ARHGAP6: variants seen among roughly 807,000 people sequenced by gnomAD.
The protein encoded by ARHGAP6 is rho GTPase-activating protein 6.
ARHGAP6 carries 16 observed loss-of-function variants against 55.7 expected under a neutral mutation model. The ratio of observed to expected loss-of-function variants is 0.29; its 90% CI spans 0.19 to 0.44. The LOEUF (loss-of-function observed/expected upper bound fraction) is 0.44, where lower values mean the gene tolerates loss of function less well. Among genes scored for constraint, ARHGAP6 ranks in the 20% least tolerant of loss-of-function variants. ARHGAP6 has a pLI of 1.00. For missense variants in ARHGAP6, 698 were observed against 808.9 expected (o/e 0.86, Z 1.66); for synonymous variants, 382 against 360.9 (o/e 1.06, Z -0.66).
At chrX:11,472,851 G>A in intron 1 of ARHGAP6, among the ~76,000 whole-genome samples, 1 of 110,953 alleles carries the variant, frequency 9.0e-6, no homozygotes, top group South Asian at 3.9e-4. Context: ...TTAGGTGTCT[G>A]CCAAGATGGG....
chrX:11,628,814 T>G (rs1282639064), intron 1 of ARHGAP6, among the ~76,000 whole-genome samples: 1 of 112,833 alleles, frequency 8.9e-6, no homozygotes, highest in Admixed American at 9.4e-5. Context: ...GTTTTCTCCC[T>G]GCTTAAATAT....
intron 1 of ARHGAP6, among the ~76,000 whole-genome samples, chrX:11,571,750 T>C (rs1055790497): frequency 1.3e-4 from 11 of 87,097 alleles, no homozygotes; most frequent in African/African-American, 4.6e-4. Context: ...TAGCTGAGTA[T>C]AGTGCTGCAT....
intron 1 of ARHGAP6, among the ~76,000 whole-genome samples, chrX:11,354,327 C>CTCTATATATATATA (rs1343744315): frequency 2.5e-4 from 8 of 32,348 alleles, no homozygotes; most frequent in Admixed American, 4.2e-4. Context: ...CTCTCTCTCT[C>CTCTATATATATATA]TATATATATA....
intron 1 of ARHGAP6, among the ~76,000 whole-genome samples, chrX:11,624,897 A>G (rs2052276899): frequency 8.9e-6 from 1 of 111,927 alleles, no homozygotes; most frequent in Non-Finnish European, 1.9e-5. Context: ...GCCAACAGGT[A>G]TATGAAAAAA....
At chrX:11,383,171 G>A (rs968375225) in intron 1 of ARHGAP6, among the ~76,000 whole-genome samples, 5 of 111,375 alleles carry the variant, frequency 4.5e-5, no homozygotes, top group Non-Finnish European at 9.4e-5. Context: ...TCTTTAGATC[G>A]GCAAATGAAG....
chrX:11,463,881 T>C (rs191264774), intron 1 of ARHGAP6, among the ~76,000 whole-genome samples: 8,534 of 111,849 alleles, frequency 0.076, 393 homozygotes, highest in East Asian at 0.18. Flanking sequence ...GTCAACTGCT[T>C]CGTAGTTGGC....
chrX:11,560,981 C>A (rs963651660), intron 1 of ARHGAP6, among the ~76,000 whole-genome samples: 1 of 111,919 alleles, frequency 8.9e-6, no homozygotes, highest in African/African-American at 3.3e-5. Flanking sequence ...AGGGCAGGGG[C>A]CACACCTGGA....
At chrX:11,225,992 C>T (rs181835614) in intron 2 of ARHGAP6, among the ~76,000 whole-genome samples, 1 of 108,762 alleles carries the variant, frequency 9.2e-6, no homozygotes, top group Non-Finnish European at 1.9e-5. Flanking sequence ...CAGTTGGCCC[C>T]GAGAGTTTCT....
chrX:11,507,280 C>T (rs1023767824), intron 1 of ARHGAP6, among the ~76,000 whole-genome samples: 5 of 110,976 alleles, frequency 4.5e-5, no homozygotes, highest in Admixed American at 9.7e-5. Context: ...CCTTTCCCTA[C>T]ACTCTCCAGG....
intron 1 of ARHGAP6, among the ~76,000 whole-genome samples, chrX:11,342,504 A>T (rs959855782): frequency 2.7e-5 from 3 of 112,143 alleles, no homozygotes; most frequent in African/African-American, 9.7e-5. Flanking sequence ...ATAGAAATAC[A>T]TGGACCTCTC....
intron 2 of ARHGAP6, among the ~76,000 whole-genome samples, chrX:11,230,375 T>G (rs886452599): frequency 6.3e-5 from 7 of 110,760 alleles, no homozygotes; most frequent in Non-Finnish European, 1.1e-4. Flanking sequence ...TTTTTGTATT[T>G]TTAGTAGAGA....
chrX:11,349,670 A>G (rs1291046370), intron 1 of ARHGAP6, among the ~76,000 whole-genome samples: 8 of 112,342 alleles, frequency 7.1e-5, no homozygotes, highest in African/African-American at 2.6e-4. Context: ...TAGGAGGAAG[A>G]TTATTTTTTG....
chrX:11,229,403 T>C (rs1376274887), intron 2 of ARHGAP6, among the ~76,000 whole-genome samples: 1 of 112,332 alleles, frequency 8.9e-6, no homozygotes, highest in African/African-American at 3.2e-5. Flanking sequence ...CATTCAATGA[T>C]ACCACCCCTC....
At chrX:11,273,231 A>G (rs1299257917) in intron 1 of ARHGAP6, among the ~76,000 whole-genome samples, 3 of 111,007 alleles carry the variant, frequency 2.7e-5, no homozygotes, top group African/African-American at 9.8e-5. Flanking sequence ...TAACGTGGCA[A>G]TATGAAGACC....
At chrX:11,506,074 G>A (rs1378994377) in intron 1 of ARHGAP6, among the ~76,000 whole-genome samples, 3 of 110,873 alleles carry the variant, frequency 2.7e-5, no homozygotes, top group Admixed American at 9.6e-5. Flanking sequence ...GAGCTTGAAC[G>A]GGGATTACAT....
At chrX:11,169,742 G>A in intron 8 of ARHGAP6, 58 bp from the exon 9 acceptor site, 2 of 909,029 alleles carry the variant, frequency 2.2e-6, no homozygotes, top group Admixed American at 7.5e-5. Context: ...GATACTGGGT[G>A]ATTCAACAAT....
chrX:11,586,148 T>C (rs2051731700), intron 1 of ARHGAP6, among the ~76,000 whole-genome samples: 1 of 112,015 alleles, frequency 8.9e-6, no homozygotes, highest in Non-Finnish European at 1.9e-5. Flanking sequence ...GTCTGTTTAC[T>C]CTGTTGATAG....
intron 1 of ARHGAP6, among the ~76,000 whole-genome samples, chrX:11,316,802 G>A (rs1347969811): frequency 1.8e-5 from 2 of 112,354 alleles, no homozygotes; most frequent in African/African-American, 6.5e-5. Flanking sequence ...GTGAGAAAGT[G>A]CAGCATTTGT....
At chrX:11,418,823 A>G (rs2049785792) in intron 1 of ARHGAP6, among the ~76,000 whole-genome samples, 1 of 111,984 alleles carries the variant, frequency 8.9e-6, no homozygotes, top group Non-Finnish European at 1.9e-5. Flanking sequence ...CATTTGAAGC[A>G]ATTTGGGAGA....
Sources: allele counts gnomAD v4.1 joint callset (sites outside exome capture counted in the v4.1 genomes callset), GRCh38; gene constraint gnomAD v4.1.1; transcripts MANE v1.5; gene names NCBI Gene and HGNC (gene_info 2026-07-23, HGNC 2026-07-21).